ZNF26: variants seen among roughly 807,000 people sequenced by gnomAD.
ZNF26 encodes epididymis luminal protein 179.
Under a neutral mutation model 54.9 loss-of-function variants are expected in ZNF26, and 32 were observed. That is an observed-to-expected ratio of 0.58 (90% CI 0.44 to 0.78). The LOEUF (loss-of-function observed/expected upper bound fraction) is 0.78. Ranked by LOEUF, ZNF26 falls within the 30% of genes least tolerant of loss-of-function variation. The probability of loss-of-function intolerance (pLI) is 0.00; values close to 1 mark genes in which losing one functional copy is unlikely to be tolerated. For synonymous variants in ZNF26, 221 were observed against 209.2 expected, an observed-to-expected ratio of 1.06 and a Z score of -0.49; for missense variants, 524 against 634.0, an observed-to-expected ratio of 0.83 and a Z score of 1.86.
chr12:133,007,515 C>G lies in ZNF26; in HGVS notation c.239C>G (p.Ser80Cys). ...EDPWIINAKI[S>C]RQSCPDGWEE... is the part of the protein sequence containing the mutation. ...CCATGGATAATAAATGCCAAAATTT[C>G]CAGGCAGAGCTGTCCAGGTGGGTGA... The change falls in exon 3 of 4, where the codon TCC becomes TGC. Residue 80 changes from serine (S) to cysteine (C), a missense_variant. By Grantham distance (112) the Ser-to-Cys change is moderately radical. Transcript: ENST00000328654. 2 of 1,613,382 alleles carry G rather than the reference C, an allele frequency of 1.2e-6. No homozygotes were observed. The highest frequency in any genetic ancestry group is 1.7e-6 in the Non-Finnish European group (2 of 1,179,554).
intron 1 of ZNF26, among the ~76,000 whole-genome samples, chr12:132,994,483 T>G (rs1000027385): frequency 1.3e-5 from 2 of 152,214 alleles, no homozygotes; most frequent in Admixed American, 6.5e-5. Context: ...ATTCAGTCTC[T>G]TATAACCACC....
chr12:132,988,355 C>T (rs1201597912), intron 1 of ZNF26, among the ~76,000 whole-genome samples: 1 of 152,162 alleles, frequency 6.6e-6, no homozygotes, highest in African/African-American at 2.4e-5. Context: ...TCCACCTCAG[C>T]CTCCTGAGTA....
chr12:133,008,307 T>G (rs7954265), intron 3 of ZNF26, among the ~76,000 whole-genome samples: 4,578 of 152,280 alleles, frequency 0.03, 250 homozygotes, highest in African/African-American at 0.1. Context: ...AGTTTCTTTC[T>G]TAGTGTTTCC....
chr12:133,003,708 T>A (rs1180179927), intron 1 of ZNF26, among the ~76,000 whole-genome samples: 1 of 152,242 alleles, frequency 6.6e-6, no homozygotes, highest in Non-Finnish European at 1.5e-5. Flanking sequence ...TCAACCTCCC[T>A]AATGGGCATA....
Position 133,020,598 on chromosome 12 carries a change from A to G in ZNF26, c.*9117A>G, listed in dbSNP as rs1953627647. 6.6e-6 allele frequency: 1 copy of G among 152,410 alleles called. No individual in the cohort carries two copies. Among genetic ancestry groups the G allele is most frequent in the East Asian group, 1.9e-4 (1 of 5,194 alleles). 9.4% of individuals were successfully genotyped at this position (152,410 alleles called of 1,614,324 possible). Reference sequence around the variant, plus strand: ...AGAAATGAAGAGAGACAACTCAACAATACTAGTTGGAGACTTAATATCCCA... The same window carrying G: ...AGAAATGAAGAGAGACAACTCAACAGTACTAGTTGGAGACTTAATATCCCA... On this transcript the variant is annotated 3_prime_UTR_variant, in exon 4 of 4. Coordinates refer to ENST00000328654, the MANE Select transcript of ZNF26 (RefSeq NM_019591.4).
chr12:133,007,659 A>C, intron 3 of ZNF26, 127 bp downstream of exon 3: 1 of 622,776 alleles, frequency 1.6e-6, no homozygotes, highest in Non-Finnish European at 2.8e-6. Flanking sequence ...GAGCTGACTC[A>C]GGATGAAGCC....
At chr12:133,009,987 C>T in intron 3 of ZNF26, 149 bp from the exon 4 acceptor site, 1 of 764,668 alleles carries the variant, frequency 1.3e-6, no homozygotes, top group Non-Finnish European at 1.9e-6. Context: ...CCCTTGCCCC[C>T]ATGCTTGGCC....
At chr12:133,009,790 G>A (rs1254101712) in intron 3 of ZNF26, among the ~76,000 whole-genome samples, 5 of 151,880 alleles carry the variant, frequency 3.3e-5, no homozygotes, top group Non-Finnish European at 4.4e-5. Flanking sequence ...TGCAACCTCC[G>A]CCTCCCAGGT....
chr12:133,009,434 A>T (rs1226471207), intron 3 of ZNF26, among the ~76,000 whole-genome samples: 1 of 152,058 alleles, frequency 6.6e-6, no homozygotes, highest in East Asian at 1.9e-4. Context: ...TCTACTAAAA[A>T]TACAAAAATT....
rs1404721861 is a variant in ZNF26, at chr12:133,019,455, G to T, written c.*7974G>T. 6.6e-6 allele frequency: 1 copy of T among 152,110 alleles called. No individual in the cohort carries two copies. Among genetic ancestry groups the T allele is most frequent in the African/African-American group, 2.4e-5 (1 of 41,410 alleles). 9.4% of individuals were successfully genotyped at this position (152,110 alleles called of 1,614,324 possible). ...GAGAAGACATGCAAATGTCTAACAG[G>T]TATATGAAAAAATGCTCAATATCAC... On this transcript the variant is annotated 3_prime_UTR_variant, in exon 4 of 4. Transcript: ENST00000328654.
rs1953647040 is a variant in ZNF26 at position 133,021,833 on chromosome 12, T to A, written c.*10352T>A. Reference sequence around the variant, plus strand: ...AACATGGTAAAAATTTGAGGAATATTGGTAAAGAATATTTACAAATTCATT... The same window carrying A: ...AACATGGTAAAAATTTGAGGAATATAGGTAAAGAATATTTACAAATTCATT... On this transcript the variant is annotated 3_prime_UTR_variant, in exon 4 of 4. Transcript: ENST00000328654. 1 of 152,060 alleles carries A rather than the reference T, an allele frequency of 6.6e-6. No individual in the cohort carries two copies. Among genetic ancestry groups the A allele is most frequent in the African/African-American group, 2.4e-5 (1 of 41,424 alleles). 9.4% of individuals were successfully genotyped at this position (152,060 alleles called of 1,614,324 possible). A position where few individuals can be genotyped will look rare whatever the true frequency, so the allele number is the denominator to read the frequency against.
intron 1 of ZNF26, among the ~76,000 whole-genome samples, chr12:132,993,735 C>G (rs753254635): frequency 6.6e-6 from 1 of 152,010 alleles, no homozygotes; most frequent in Non-Finnish European, 1.5e-5. Context: ...GGATTACAGG[C>G]GTGAGCCACG....
At chr12:133,009,697 C>G (rs1251221991) in intron 3 of ZNF26, among the ~76,000 whole-genome samples, 6 of 151,988 alleles carry the variant, frequency 3.9e-5, no homozygotes, top group African/African-American at 1.5e-4. Flanking sequence ...CTTTCCTGGC[C>G]TTTTTCTATT....
At position 133,020,089 on chromosome 12, in the gene ZNF26, C is replaced by G. The variant is rs1953618984; in HGVS notation, c.*8608C>G. On this transcript the variant is annotated 3_prime_UTR_variant, in exon 4 of 4. Coordinates refer to ENST00000328654, the MANE Select transcript of ZNF26 (RefSeq NM_019591.4). The stretch of plus-strand genomic sequence containing the variant: ...CCAGCCTGGGCGACAGAGTAAAGCT[C>G]CATCTCAAAAAACAAAACAAAAAAA... The G allele has an allele frequency of 1.1e-5, 1 of 94,176 alleles. No homozygotes were observed. Among genetic ancestry groups the G allele is most frequent in the Admixed American group, 1.4e-4 (1 of 6,994 alleles). The allele number at this position is 94,176 out of a possible 1,614,324, so 5.8% of individuals were successfully genotyped here.
In ZNF26 at chr12:133,003,147, C is replaced by T. The variant is rs979230726; in HGVS notation, c.34-3895C>T. Among the ~76,000 whole-genome samples the T allele has an allele frequency of 3.1e-3, 473 of 152,226 alleles. 2 individuals carry two copies. Among genetic ancestry groups the T allele is most frequent in the African/African-American group, 0.01 (431 of 41,512 alleles). On this transcript the variant is annotated intron_variant, in intron 1 of 3. Coordinates refer to ENST00000328654, the MANE Select transcript of ZNF26 (RefSeq NM_019591.4). ...AGATGGTTTGCTGTGCATCAGCTTA[C>T]CTCTGGGAGAGCTTTTGCTCACGGA...
chr12:133,016,369 G>A lies in ZNF26; in HGVS notation c.*4888G>A, dbSNP rs984767153. On this transcript the variant is annotated 3_prime_UTR_variant, in exon 4 of 4. Coordinates refer to ENST00000328654, the MANE Select transcript of ZNF26 (RefSeq NM_019591.4). ...ATTACAGGCATGAGCCATCGTACCC[G>A]GCCAGAGCATCCTTAATTTTTAAAA... The A allele has an allele frequency of 2.7e-5, 4 of 150,768 alleles. No individual in the cohort carries two copies. The highest frequency in any genetic ancestry group is 2.9e-5 in the Non-Finnish European group (2 of 67,812). The allele number at this position is 150,768 out of a possible 1,614,324, so 9.3% of individuals were successfully genotyped here. A position where few individuals can be genotyped will look rare whatever the true frequency, so the allele number is the denominator to read the frequency against.
In ZNF26 at chr12:133,021,650, C is replaced by G. The variant is rs1465209599; in HGVS notation, c.*10169C>G. 6.6e-6 allele frequency: 1 copy of G among 151,610 alleles called. No individual in the cohort carries two copies. The highest frequency in any genetic ancestry group is 6.6e-5 in the Admixed American group (1 of 15,222). 9.4% of individuals were successfully genotyped at this position (151,610 alleles called of 1,614,324 possible). A position where few individuals can be genotyped will look rare whatever the true frequency, so the allele number is the denominator to read the frequency against. ...GGCGTGGTGGCAGGCACCTGTAATC[C>G]CAGCTACTTGGGAGGCTGAGGCAGG... On this transcript the variant is annotated 3_prime_UTR_variant, in exon 4 of 4. Coordinates refer to ENST00000328654, the MANE Select transcript of ZNF26 (RefSeq NM_019591.4).
At chr12:132,996,343 C>T (rs1003595815) in intron 1 of ZNF26, among the ~76,000 whole-genome samples, 17 of 152,328 alleles carry the variant, frequency 1.1e-4, no homozygotes, top group Middle Eastern at 3.4e-3. Flanking sequence ...GCAAATGGCC[C>T]AGCGAGGTAA....
intron 1 of ZNF26, among the ~76,000 whole-genome samples, chr12:132,993,368 C>T (rs1289171160): frequency 6.6e-6 from 1 of 151,864 alleles, no homozygotes; most frequent in Non-Finnish European, 1.5e-5. Flanking sequence ...TCACTAGAGC[C>T]CATAACATAT....
Sources: gnomAD v4.1 joint callset for allele counts (sites outside exome capture counted in the v4.1 genomes callset) on GRCh38, gnomAD v4.1.1 for gene constraint, MANE v1.5 for transcripts, NCBI Gene and HGNC (gene_info 2026-07-23, HGNC 2026-07-21) for gene names.